PTPRZ1: variants seen among roughly 807,000 people sequenced by gnomAD.
PTPRZ1 encodes receptor-type tyrosine-protein phosphatase zeta.
Under a neutral mutation model 214.1 loss-of-function variants are expected in PTPRZ1, and 82 were observed. That is an observed-to-expected ratio of 0.38 (90% CI 0.32 to 0.46). The LOEUF (loss-of-function observed/expected upper bound fraction) is 0.46. Among genes scored for constraint, PTPRZ1 ranks in the 20% least tolerant of loss-of-function variants. The pLI is 1.00. For synonymous variants in PTPRZ1, 945 were observed against 987.9 expected (o/e 0.96, Z 0.81); for missense variants, 2,603 against 2,748.7 (o/e 0.95, Z 1.19).
chr7:122,024,597 A>AT (rs958525839), intron 13 of PTPRZ1, among the ~76,000 whole-genome samples: 57 of 146,898 alleles, frequency 3.9e-4, no homozygotes, highest in African/African-American at 5.2e-4. Context: ...TACTATTTTA[A>AT]TTTTTTTTTT....
chr7:121,985,018 TATTA>T (rs1563050819), intron 8 of PTPRZ1, among the ~76,000 whole-genome samples: 1 of 152,176 alleles, frequency 6.6e-6, no homozygotes, highest in Non-Finnish European at 1.5e-5. Flanking sequence ...CCATGTATAA[TATTA>T]ATTTAATAAT....
rs1222638497 is a variant in PTPRZ1 at position 121,952,265 on chromosome 7, T to TG, written c.125-15686_125-15685insG. 1.1e-3 allele frequency among the ~76,000 whole-genome samples: 20 copies of TG among 18,990 alleles called. No homozygotes were observed. The East Asian group carries it at 0.04, about 38-fold the overall frequency. The allele number at this position is 18,990 out of a possible 152,430, so 12.5% of individuals were successfully genotyped here. ...GAGTCACCGCGCCCGGTGAGTGTTT[T>TG]TTTTTTTGTTTGTTTTTGGTTTTTT... On this transcript the variant is annotated intron_variant, in intron 2 of 29. Coordinates refer to ENST00000393386, the MANE Select transcript of PTPRZ1 (RefSeq NM_002851.3).
chr7:121,999,724 C>CT (rs1035387019), intron 10 of PTPRZ1, among the ~76,000 whole-genome samples: 2 of 151,600 alleles, frequency 1.3e-5, no homozygotes, highest in Admixed American at 6.6e-5. Flanking sequence ...TTTTTTTGTT[C>CT]TTTTTTATTT....
At chr7:121,995,512 C>T (rs1437476486) in intron 8 of PTPRZ1, among the ~76,000 whole-genome samples, 1 of 152,122 alleles carries the variant, frequency 6.6e-6, no homozygotes, top group Non-Finnish European at 1.5e-5. Flanking sequence ...TTGGAAAGTA[C>T]CAGGGCACTC....
intron 2 of PTPRZ1, among the ~76,000 whole-genome samples, chr7:121,938,889 C>G (rs116070993): frequency 1.3e-5 from 2 of 151,882 alleles, no homozygotes; most frequent in South Asian, 4.1e-4. Flanking sequence ...GCTTTTATCT[C>G]AATAGTAGTA....
chr7:121,873,330 A>ACT lies in PTPRZ1; in HGVS notation c.-169_-168insTC. The ACT allele has an allele frequency of 3.7e-6, 1 of 272,694 alleles. No homozygotes were observed. The highest frequency in any genetic ancestry group is 6.1e-6 in the Non-Finnish European group (1 of 163,216). 16.9% of individuals were successfully genotyped at this position (272,694 alleles called of 1,614,324 possible). On this transcript the variant is annotated 5_prime_UTR_variant, in exon 1 of 30. Coordinates refer to ENST00000393386, the MANE Select transcript of PTPRZ1 (RefSeq NM_002851.3). The stretch of plus-strand genomic sequence containing the variant: ...CTCTGTCTCTGTCTCTCTCTCTCTC[A>ACT]CACACACACACACACACACAAACAC...
At chr7:122,017,671 C>T (rs1203721327) in intron 12 of PTPRZ1, among the ~76,000 whole-genome samples, 2 of 151,942 alleles carry the variant, frequency 1.3e-5, no homozygotes, top group Admixed American at 6.6e-5. Flanking sequence ...AGGCCATTCT[C>T]CTGACTCAGC....
chr7:122,016,846 G>A (rs1467509058), intron 12 of PTPRZ1, among the ~76,000 whole-genome samples: 6 of 151,808 alleles, frequency 4.0e-5, no homozygotes, highest in East Asian at 3.9e-4. Context: ...AGCTTACTTC[G>A]TACATATATT....
intron 1 of PTPRZ1, chr7:121,908,797 A>G (rs1438077459): frequency 1.8e-5 from 9 of 491,408 alleles, no homozygotes; most frequent in South Asian, 1.4e-4. Flanking sequence ...TCTTTCTGGG[A>G]TAAATGTGAG....
intron 11 of PTPRZ1, among the ~76,000 whole-genome samples, chr7:122,005,675 C>T (rs1282169374): frequency 1.3e-5 from 2 of 151,648 alleles, no homozygotes; most frequent in Admixed American, 6.6e-5. Flanking sequence ...CACATACAAG[C>T]GATCAACAGA....
intron 22 of PTPRZ1, 141 bp downstream of exon 22, chr7:122,042,884 G>T (rs915708441): frequency 1.4e-5 from 12 of 882,876 alleles, no homozygotes; most frequent in Non-Finnish European, 1.9e-5. Flanking sequence ...TTGTCTCATA[G>T]TTCTGATGTC....
intron 27 of PTPRZ1, among the ~76,000 whole-genome samples, chr7:122,057,796 C>A (rs1792407988): frequency 6.6e-6 from 1 of 151,496 alleles, no homozygotes; most frequent in African/African-American, 2.4e-5. Flanking sequence ...CATGAAGATG[C>A]TCTCTTACAC....
At chr7:121,904,488 T>G (rs558104531) in intron 1 of PTPRZ1, among the ~76,000 whole-genome samples, 2 of 152,358 alleles carry the variant, frequency 1.3e-5, no homozygotes, top group South Asian at 4.1e-4. Flanking sequence ...TGTTCTGGTT[T>G]CATGTTCTTA....
At chr7:122,051,760 A>G (rs1035664736) in intron 24 of PTPRZ1, 106 bp from the exon 25 acceptor site, 11 of 1,057,502 alleles carry the variant, frequency 1.0e-5, no homozygotes, top group South Asian at 4.4e-5. Flanking sequence ...AAATGTAGCT[A>G]TATTTTACAT....
intron 2 of PTPRZ1, among the ~76,000 whole-genome samples, chr7:121,956,395 A>G (rs916870552): frequency 1.3e-5 from 2 of 152,214 alleles, no homozygotes; most frequent in African/African-American, 2.4e-5. Context: ...ACTACCAAAA[A>G]TCAGAAAGCC....
At chr7:121,916,138 A>C (rs550638431) in intron 1 of PTPRZ1, among the ~76,000 whole-genome samples, 1 of 152,016 alleles carries the variant, frequency 6.6e-6, no homozygotes, top group South Asian at 2.1e-4. Flanking sequence ...ACTGGGCGTC[A>C]TGGTGTGCGC....
chr7:121,978,548 C>T (rs367914156), intron 6 of PTPRZ1, among the ~76,000 whole-genome samples: 89 of 152,252 alleles, frequency 5.8e-4, no homozygotes, highest in African/African-American at 2.0e-3. Flanking sequence ...CATCAAATCT[C>T]GTGAGAACTC....
chr7:122,033,334 T>C (rs1799438363), intron 15 of PTPRZ1, among the ~76,000 whole-genome samples: 1 of 151,826 alleles, frequency 6.6e-6, no homozygotes, highest in Non-Finnish European at 1.5e-5. Context: ...TGCTGATGAA[T>C]CAGATTTTTA....
intron 26 of PTPRZ1, among the ~76,000 whole-genome samples, chr7:122,054,267 G>A (rs1257798498): frequency 2.0e-5 from 3 of 152,136 alleles, no homozygotes; most frequent in Non-Finnish European, 4.4e-5. Flanking sequence ...GAACTTAAAT[G>A]TATGTGTTTT....
Sources: allele counts gnomAD v4.1 joint callset (sites outside exome capture counted in the v4.1 genomes callset), GRCh38; gene constraint gnomAD v4.1.1; transcripts MANE v1.5; gene names NCBI Gene and HGNC (gene_info 2026-07-23, HGNC 2026-07-21).